The following FYN variants were observed in gnomAD, a reference collection of about 807,000 sequenced individuals.
The protein encoded by FYN is tyrosine-protein kinase Fyn.
Under a neutral mutation model 70.2 loss-of-function variants are expected in FYN, and 10 were observed. That is an observed-to-expected ratio of 0.14 (90% CI 0.09 to 0.24). The LOEUF is 0.24. FYN is among the 10% of genes least tolerant of loss of function. FYN has a pLI of 1.00. For synonymous variants in FYN, 236 were observed against 248.6 expected (o/e 0.95, Z 0.48); for missense variants, 319 against 673.1 (o/e 0.47, Z 5.82).
At chr6:111,713,542 A>C (rs938010614) in intron 5 of FYN, among the ~76,000 whole-genome samples, 2 of 148,656 alleles carry the variant, frequency 1.3e-5, no homozygotes, top group Non-Finnish European at 3.0e-5. Flanking sequence ...GTGGAACCCC[A>C]CCCCCCCACA....
chr6:111,668,661 T>TCTCC (rs572085625), intron 13 of FYN, among the ~76,000 whole-genome samples: 2 of 152,022 alleles, frequency 1.3e-5, no homozygotes, highest in Non-Finnish European at 2.9e-5. Context: ...TCTCCCCTGG[T>TCTCC]CTCCCTCCTC....
At chr6:111,672,918 A>G (rs568953052) in intron 13 of FYN, among the ~76,000 whole-genome samples, 1 of 152,246 alleles carries the variant, frequency 6.6e-6, no homozygotes, top group Non-Finnish European at 1.5e-5. Context: ...TTCCTTCTCC[A>G]AGGCCCCCAC....
At chr6:111,714,063 C>G (rs773077890) in intron 5 of FYN, among the ~76,000 whole-genome samples, 2 of 152,132 alleles carry the variant, frequency 1.3e-5, no homozygotes, top group Non-Finnish European at 2.9e-5. Flanking sequence ...CTGTGGAGAG[C>G]GATGCTGGTG....
chr6:111,791,007 C>T (rs1771599437), intron 2 of FYN, among the ~76,000 whole-genome samples: 1 of 151,950 alleles, frequency 6.6e-6, no homozygotes, highest in African/African-American at 2.4e-5. Context: ...ACTGAACCAC[C>T]AATTTTTTTT....
intron 4 of FYN, among the ~76,000 whole-genome samples, chr6:111,717,497 T>C (rs1386270545): frequency 6.6e-6 from 1 of 152,040 alleles, no homozygotes; most frequent in Non-Finnish European, 1.5e-5. Flanking sequence ...GATTCACTCT[T>C]GTTGCCCAAG....
At chr6:111,698,203 C>T (rs148295802) in intron 9 of FYN, among the ~76,000 whole-genome samples, 17 of 152,072 alleles carry the variant, frequency 1.1e-4, no homozygotes, top group African/African-American at 3.1e-4. Flanking sequence ...GTGCGATCTC[C>T]GCTCACCGCA....
intron 2 of FYN, among the ~76,000 whole-genome samples, chr6:111,788,880 G>A (rs943541971): frequency 6.6e-6 from 1 of 152,122 alleles, no homozygotes; most frequent in African/African-American, 2.4e-5. Flanking sequence ...TGGGTGGGAG[G>A]GAGGTGGGAG....
intron 3 of FYN, among the ~76,000 whole-genome samples, chr6:111,743,903 T>G (rs1802092985): frequency 1.3e-5 from 2 of 152,162 alleles, no homozygotes; most frequent in Non-Finnish European, 2.9e-5. Context: ...AGGATTTCAT[T>G]TATTATAGAA....
At chr6:111,812,876 T>A (rs1399251108) in intron 2 of FYN, among the ~76,000 whole-genome samples, 1 of 152,118 alleles carries the variant, frequency 6.6e-6, no homozygotes, top group East Asian at 1.9e-4. Flanking sequence ...ATAAAAGACA[T>A]CATGAACATA....
intron 8 of FYN, 45 bp downstream of exon 8, chr6:111,702,840 C>G (rs1302982963): frequency 6.3e-7 from 1 of 1,595,170 alleles, no homozygotes; most frequent in Admixed American, 1.7e-5. Flanking sequence ...CTATCCACTC[C>G]CTCCAGCATC....
chr6:111,831,856 A>C (rs181493702), intron 2 of FYN, among the ~76,000 whole-genome samples: 1 of 152,312 alleles, frequency 6.6e-6, no homozygotes, highest in East Asian at 1.9e-4. Flanking sequence ...CATTACATAC[A>C]TCCTCCTGGT....
intron 2 of FYN, among the ~76,000 whole-genome samples, chr6:111,832,070 A>G (rs1476846937): frequency 1.3e-5 from 2 of 152,218 alleles, no homozygotes; most frequent in African/African-American, 2.4e-5. Context: ...TGCTTGTTGA[A>G]TATCAATTGA....
intron 2 of FYN, among the ~76,000 whole-genome samples, chr6:111,832,906 T>G (rs1773065864): frequency 6.6e-6 from 1 of 152,162 alleles, no homozygotes; most frequent in Non-Finnish European, 1.5e-5. Context: ...TAATGAAGGG[T>G]GACCCAGAAA....
Position 111,829,808 on chromosome 6 carries a change from A to G in FYN, c.-82+16781T>C, listed in dbSNP as rs187951148. On this transcript the variant is annotated intron_variant, in intron 2 of 13. Transcript: ENST00000354650. ...CAATAGACATGCCACGGATACATGC[A>G]TGATTCCTTCATCAGATGCTTAAGG... Among the ~76,000 whole-genome samples the G allele has an allele frequency of 3.7e-4, 56 of 152,330 alleles. 1 individual carries two copies. The highest frequency in any genetic ancestry group is 1.3e-3 in the African/African-American group (54 of 41,562).
rs1048337538 is a variant in FYN, at chr6:111,699,366, C to T, written c.862+738G>A. 2.8e-5 allele frequency: 22 copies of T among 795,498 alleles called. No individual in the cohort carries two copies. In the African/African-American group the frequency reaches 3.5e-4, roughly 13 times the overall value. The allele number at this position is 795,498 out of a possible 1,614,324, so 49.3% of individuals were successfully genotyped here. ...ACAGATGAGCACAGCAAGGTATCAG[C>T]ATATTCTGAAAATCTGGATGGCCTG... On this transcript the variant is annotated intron_variant, in intron 9 of 13. Coordinates refer to ENST00000354650, the MANE Select transcript of FYN (RefSeq NM_002037.5).
intron 3 of FYN, among the ~76,000 whole-genome samples, chr6:111,774,636 G>C (rs937344367): frequency 2.6e-5 from 4 of 151,898 alleles, no homozygotes; most frequent in African/African-American, 9.7e-5. Flanking sequence ...CCTCCAACTG[G>C]TGATAACATT....
Position 111,719,889 on chromosome 6 carries a change from C to T in FYN, c.163G>A (p.Ala55Thr), listed in dbSNP as rs376211530. 185 of 1,614,072 alleles carry T rather than the reference C, an allele frequency of 1.1e-4. No homozygotes were observed. The highest frequency in any genetic ancestry group is 1.5e-4 in the Non-Finnish European group (179 of 1,180,018). Residue 55 changes from alanine to threonine, a missense_variant, in exon 4 of 14, where the codon GCA becomes ACA. This residue lies in a region of FYN where 128 missense variants were observed against 183.9 expected (regional missense o/e 0.70). Transcript: ENST00000354650. The stretch of plus-strand genomic sequence containing the variant: ...ACGGTGAGTCCTTGGCCCCCGGCTG[C>T]GTGGAAGTTGTTGTAGTTGGGGATG... ...TSIPNYNNFH[A>T]AGGQGLTVFG...
chr6:111,726,994 C>A (rs1200669400), intron 3 of FYN, among the ~76,000 whole-genome samples: 1 of 152,198 alleles, frequency 6.6e-6, no homozygotes, highest in African/African-American at 2.4e-5. Context: ...GCCTTCCCAG[C>A]AATGCGGAAC....
At chr6:111,683,776 G>C (rs1176898613) in intron 12 of FYN, among the ~76,000 whole-genome samples, 2 of 151,932 alleles carry the variant, frequency 1.3e-5, no homozygotes, top group Non-Finnish European at 2.9e-5. Flanking sequence ...TTGGTTTACA[G>C]GAGGGGGAGG....
Sources: gnomAD v4.1 joint callset for allele counts (sites outside exome capture counted in the v4.1 genomes callset) on GRCh38, gnomAD v4.1.1 for gene constraint, gnomAD v4.1.1 regional missense constraint, MANE v1.5 for transcripts, NCBI Gene and HGNC (gene_info 2026-07-23, HGNC 2026-07-21) for gene names.